The following RAPGEF5 variants were observed in gnomAD, a reference collection of about 807,000 sequenced individuals.
The protein encoded by RAPGEF5 is M-Ras-regulated GEF.
A neutral mutation model predicts 125.2 loss-of-function variants in RAPGEF5; 65 were observed. The observed-to-expected ratio is 0.52, with a 90% CI of 0.43 to 0.64. The LOEUF (loss-of-function observed/expected upper bound fraction) is 0.64. Ranked by LOEUF, RAPGEF5 falls within the 30% of genes least tolerant of loss-of-function variation. The pLI is 0.00. For missense variants in RAPGEF5, 958 were observed against 1,048.1 expected, an observed-to-expected ratio of 0.91 and a Z score of 1.19; for synonymous variants, 391 against 385.9, an observed-to-expected ratio of 1.01 and a Z score of -0.16.
intron 11 of RAPGEF5, among the ~76,000 whole-genome samples, chr7:22,176,694 A>G (rs1784519293): frequency 6.6e-6 from 1 of 151,984 alleles, no homozygotes; most frequent in Admixed American, 6.6e-5. Flanking sequence ...ATGCCCGGGT[A>G]ATTTTTTTCT....
intron 11 of RAPGEF5, chr7:22,191,562 G>A (rs1323483957): frequency 2.3e-5 from 11 of 471,052 alleles, no homozygotes; most frequent in Non-Finnish European, 4.4e-5. Flanking sequence ...TGCTAGGAGA[G>A]TCAAGCCATG....
chr7:22,167,218 G>T, intron 11 of RAPGEF5, 70 bp from the exon 12 acceptor site: 1 of 1,210,606 alleles, frequency 8.3e-7, no homozygotes, highest in Non-Finnish European at 1.2e-6. Context: ...GCTTATCTGG[G>T]CCCCAGAACC....
intron 9 of RAPGEF5, among the ~76,000 whole-genome samples, chr7:22,209,594 G>A (rs948382344): frequency 5.3e-5 from 8 of 152,146 alleles, no homozygotes; most frequent in Non-Finnish European, 1.0e-4. Context: ...TTCCAGATGG[G>A]TGTTTAATGA....
chr7:22,353,957 G>T (rs61024899), intron 1 of RAPGEF5, among the ~76,000 whole-genome samples: 5,115 of 152,194 alleles, frequency 0.034, 286 homozygotes, highest in African/African-American at 0.12. Context: ...CTGTATCCCA[G>T]TTCCTCAGGA....
chr7:22,134,261 A>C (rs963777074), intron 23 of RAPGEF5, among the ~76,000 whole-genome samples: 2 of 152,242 alleles, frequency 1.3e-5, no homozygotes, highest in African/African-American at 4.8e-5. Flanking sequence ...AAGTACAATG[A>C]AGTACTAATA....
In RAPGEF5 at chr7:22,121,211, GA is replaced by G. The variant is rs111245004; in HGVS notation, c.*1194del. 6.9e-5 allele frequency: 9 copies of G among 130,914 alleles called. 1 individual carries two copies. Among genetic ancestry groups the G allele is most frequent in the African/African-American group, 2.6e-4 (9 of 34,286 alleles). 8.1% of individuals were successfully genotyped at this position (130,914 alleles called of 1,614,324 possible). On this transcript the variant is annotated 3_prime_UTR_variant, in exon 26 of 26. Transcript: ENST00000665637. ...TAAAAATGGGAATAATAAGATTTTA[GA>G]AGACTCAGATTTTGAAAAAAAAAAA...
chr7:22,291,859 G>T (rs536455202), intron 5 of RAPGEF5, among the ~76,000 whole-genome samples: 5 of 151,986 alleles, frequency 3.3e-5, no homozygotes, highest in African/African-American at 1.2e-4. Flanking sequence ...AGATCAGTTT[G>T]TTTGTTTGTT....
intron 9 of RAPGEF5, among the ~76,000 whole-genome samples, chr7:22,209,510 A>G (rs759550392): frequency 2.1e-4 from 32 of 152,186 alleles, no homozygotes; most frequent in Non-Finnish European, 4.6e-4. Context: ...AGCTTCAACT[A>G]TCCTTCCCCC....
At chr7:22,308,618 G>A (rs1783399442) in intron 4 of RAPGEF5, 111 bp from the exon 5 acceptor site, 2 of 880,334 alleles carry the variant, frequency 2.3e-6, no homozygotes, top group Non-Finnish European at 3.3e-6. Context: ...TCAGGGTTAA[G>A]ACTATAATTA....
At chr7:22,269,294 C>T (rs1782361983) in intron 6 of RAPGEF5, among the ~76,000 whole-genome samples, 1 of 151,748 alleles carries the variant, frequency 6.6e-6, no homozygotes, top group Admixed American at 6.6e-5. Context: ...TTTCATGCTG[C>T]TACAGCATCT....
chr7:22,184,313 A>G (rs376457972), intron 11 of RAPGEF5, among the ~76,000 whole-genome samples: 144 of 152,380 alleles, frequency 9.5e-4, no homozygotes, highest in African/African-American at 3.3e-3. Flanking sequence ...ATCTCTCCAC[A>G]TAGTTCACTA....
intron 9 of RAPGEF5, among the ~76,000 whole-genome samples, chr7:22,217,079 G>A (rs997722142): frequency 2.0e-5 from 3 of 152,218 alleles, no homozygotes; most frequent in African/African-American, 7.2e-5. Flanking sequence ...AGTAATGAAG[G>A]TTAGTCAAAA....
chr7:22,348,545 ATGGAGC>A (rs992426034), intron 1 of RAPGEF5, among the ~76,000 whole-genome samples: 2 of 152,232 alleles, frequency 1.3e-5, no homozygotes, highest in Non-Finnish European at 2.9e-5. Flanking sequence ...GATGTGTACT[ATGGAGC>A]TGAGAAAACA....
At chr7:22,289,977 G>A (rs1782892034) in intron 6 of RAPGEF5, among the ~76,000 whole-genome samples, 1 of 152,102 alleles carries the variant, frequency 6.6e-6, no homozygotes, top group Non-Finnish European at 1.5e-5. Flanking sequence ...CCAAACATGT[G>A]GAACTGTAAG....
intron 9 of RAPGEF5, among the ~76,000 whole-genome samples, chr7:22,216,396 C>G (rs1417738476): frequency 1.3e-5 from 2 of 152,144 alleles, no homozygotes; most frequent in Non-Finnish European, 2.9e-5. Flanking sequence ...CAGCCCACCC[C>G]TCTCCATTCC....
chr7:22,218,886 A>C (rs1413469332), intron 9 of RAPGEF5, among the ~76,000 whole-genome samples: 1 of 152,170 alleles, frequency 6.6e-6, no homozygotes, highest in East Asian at 1.9e-4. Context: ...TTACAATTCG[A>C]TGTCTCACTG....
At chr7:22,133,959 T>C (rs772132637) in intron 23 of RAPGEF5, among the ~76,000 whole-genome samples, 1 of 152,188 alleles carries the variant, frequency 6.6e-6, no homozygotes, top group Non-Finnish European at 1.5e-5. Flanking sequence ...AAATGCAATA[T>C]GGGGGGCCTA....
chr7:22,306,491 C>T lies in RAPGEF5; in HGVS notation c.680+1848G>A, dbSNP rs558314643. 3.3e-5 allele frequency among the ~76,000 whole-genome samples: 5 copies of T among 152,312 alleles called. No homozygotes were observed. The South Asian group carries it at 1.0e-3, about 32-fold the overall frequency. Reference sequence around the variant, plus strand: ...AATCCCTTGCCAGATGGGTAGCTTACAAATATTTTCTCCCATTCTGTGGGT... The same window carrying T: ...AATCCCTTGCCAGATGGGTAGCTTATAAATATTTTCTCCCATTCTGTGGGT... On this transcript the variant is annotated intron_variant, in intron 5 of 25. Coordinates refer to ENST00000665637, the MANE Select transcript of RAPGEF5 (RefSeq NM_012294.5).
At chr7:22,125,528 C>G in intron 25 of RAPGEF5, 76 bp downstream of exon 25, 1 of 1,359,804 alleles carries the variant, frequency 7.4e-7, no homozygotes. Context: ...AAATTGATTA[C>G]CACCCAATAC....
Sources: gnomAD v4.1 joint callset for allele counts (sites outside exome capture counted in the v4.1 genomes callset) on GRCh38, gnomAD v4.1.1 for gene constraint, MANE v1.5 for transcripts, NCBI Gene and HGNC (gene_info 2026-07-23, HGNC 2026-07-21) for gene names.